FKBP14: variants seen among roughly 807,000 people sequenced by gnomAD.
FKBP14 encodes the protein peptidyl-prolyl cis-trans isomerase FKBP14.
In FKBP14, 20 loss-of-function variants were observed where a neutral mutation model predicts 21.6. That is an observed-to-expected ratio of 0.92 (90% CI 0.65 to 1.34). FKBP14 has a LOEUF of 1.34. Ranked by LOEUF, FKBP14 falls within the 40% of genes most tolerant of loss-of-function variation. The probability of loss-of-function intolerance (pLI) is 0.00; values close to 1 mark genes in which losing one functional copy is unlikely to be tolerated. For synonymous variants in FKBP14, 79 were observed against 86.7 expected (o/e 0.91, Z 0.49); for missense variants, 253 against 249.0 (o/e 1.02, Z -0.11).
downstream of FKBP14, among the ~76,000 whole-genome samples, chr7:30,006,709 C>A (rs1211036794): frequency 6.6e-6 from 1 of 152,152 alleles, no homozygotes; most frequent in Non-Finnish European, 1.5e-5. Flanking sequence ...CTGGCTGCAT[C>A]CACTCATTGC....
chr7:30,019,003 T>C lies in FKBP14; in HGVS notation c.470A>G (p.Lys157Arg). 1 of 1,609,138 alleles carries C rather than the reference T, an allele frequency of 6.2e-7. No homozygotes were observed. Among genetic ancestry groups the C allele is most frequent in the East Asian group, 2.3e-5 (1 of 44,388 alleles). ...GGAAGAAGGAAAGGTCACCTCATCT[T>C]TAGAGAGTTTCCAGTCATCATTAAG... ...MDLNDDWKLS[K>R]DEVKAYLKKE... The change falls in exon 3 of 4, where the codon AAA becomes AGA. Residue 157 changes from lysine to arginine, a missense_variant. Physicochemically the swap from Lys to Arg is conservative, Grantham distance 26. Transcript: ENST00000222803.
intron 3 of FKBP14, among the ~76,000 whole-genome samples, chr7:30,016,981 T>C (rs1162726219): frequency 6.6e-6 from 1 of 152,148 alleles, no homozygotes; most frequent in Non-Finnish European, 1.5e-5. Context: ...AGAATGTATT[T>C]CTAGGATATA....
downstream of FKBP14, among the ~76,000 whole-genome samples, chr7:30,006,585 T>C (rs1301606460): frequency 3.3e-5 from 5 of 152,266 alleles, no homozygotes; most frequent in African/African-American, 1.2e-4. Flanking sequence ...CACAAAAATG[T>C]ATTTATTGAC....
intron 3 of FKBP14, among the ~76,000 whole-genome samples, chr7:30,016,672 G>A (rs1789894010): frequency 6.6e-6 from 1 of 152,124 alleles, no homozygotes; most frequent in Non-Finnish European, 1.5e-5. Context: ...GGGATTACAG[G>A]TGTGAGCCAC....
chr7:30,017,494 G>A (rs776221465), intron 3 of FKBP14, among the ~76,000 whole-genome samples: 5 of 151,940 alleles, frequency 3.3e-5, no homozygotes, highest in Non-Finnish European at 4.4e-5. Flanking sequence ...GCTTGAACCC[G>A]GGACACAGAG....
At chr7:30,025,926 C>T (rs569913625) in intron 1 of FKBP14, among the ~76,000 whole-genome samples, 15 of 152,248 alleles carry the variant, frequency 9.9e-5, no homozygotes, top group Non-Finnish European at 2.1e-4. Flanking sequence ...GTGAACATCA[C>T]CTACACCACA....
At chr7:30,019,180 A>G in intron 2 of FKBP14, 57 bp from the exon 3 acceptor site, 11 of 1,527,416 alleles carry the variant, frequency 7.2e-6, no homozygotes, top group Non-Finnish European at 9.6e-6. Context: ...TTAATAATAG[A>G]AAATTTATGG....
At position 30,014,371 on chromosome 7, in the gene FKBP14, T is replaced by C. The variant is rs1789823841; in HGVS notation, c.*364A>G. On this transcript the variant is annotated 3_prime_UTR_variant, in exon 4 of 4. Coordinates refer to ENST00000222803, the MANE Select transcript of FKBP14 (RefSeq NM_017946.4). The stretch of plus-strand genomic sequence containing the variant: ...ATGTTGACCTCTAACTTGGAGAAAA[T>C]AGAGGGAAGCAGAAATATAGGGTGC... The C allele has an allele frequency of 6.4e-6, 1 of 155,390 alleles. No homozygotes were observed. The highest frequency in any genetic ancestry group is 6.5e-5 in the Admixed American group (1 of 15,364). The allele number at this position is 155,390 out of a possible 1,614,324, so 9.6% of individuals were successfully genotyped here.
chr7:30,026,486 G>A lies in FKBP14; in HGVS notation c.23C>T (p.Ala8Val). ...AGAAGTGACGAACAGAGTCAAGACC[G>A]CGTTCCACAAGAAAAGCCTCATGTT... is the stretch of plus-strand genomic sequence containing the variant. Reference protein sequence around the residue: MRLFLWNAVLTLFVTSLI... With the variant: MRLFLWNVVLTLFVTSLI... The change falls in exon 1 of 4, where the codon GCG becomes GTG. Residue 8 changes from alanine (A) to valine (V), a missense_variant. Physicochemically the swap from Ala to Val is moderately conservative, Grantham distance 64. Coordinates refer to ENST00000222803, the MANE Select transcript of FKBP14 (RefSeq NM_017946.4). The A allele has an allele frequency of 6.2e-7, 1 of 1,612,026 alleles. No individual in the cohort carries two copies. The highest frequency in any genetic ancestry group is 8.5e-7 in the Non-Finnish European group (1 of 1,179,244).
rs766250132 is a variant in FKBP14 at position 30,022,755 on chromosome 7, C to T, written c.259G>A (p.Gly87Ser). 6.2e-7 allele frequency: 1 copy of T among 1,614,006 alleles called. No homozygotes were observed. Among genetic ancestry groups the T allele is most frequent in the East Asian group, 2.2e-5 (1 of 44,886 alleles). Residue 87 changes from glycine (G) to serine (S), a missense_variant, in exon 2 of 4, where the codon GGT (glycine) becomes AGT (serine). Physicochemically the swap from Gly to Ser is moderately conservative, Grantham distance 56. Coordinates refer to ENST00000222803, the MANE Select transcript of FKBP14 (RefSeq NM_017946.4). The part of the protein sequence containing the change: ...FTLGILEALK[G>S]WDQGLKGMCV... ...ATTCCTTTCAAGCCCTGGTCCCAACCTTTGAGAGCCTCCAGGATGCCCAGG... is the reference window on the plus strand; with the variant it reads ...ATTCCTTTCAAGCCCTGGTCCCAACTTTTGAGAGCCTCCAGGATGCCCAGG...
rs1478164971 is a variant in FKBP14 at position 30,012,713 on chromosome 7, A to T, written c.*2022T>A. On this transcript the variant is annotated 3_prime_UTR_variant, in exon 4 of 4. Transcript: ENST00000222803. Reference sequence around the variant, plus strand: ...AACCTCGCGTTGTTCAGGGTTTTTGAGGCAATTCAGAGCTAACTGCAAGAT... The same window carrying T: ...AACCTCGCGTTGTTCAGGGTTTTTGTGGCAATTCAGAGCTAACTGCAAGAT... 1.3e-5 allele frequency: 2 copies of T among 152,240 alleles called. No homozygotes were observed. The highest frequency in any genetic ancestry group is 3.8e-4 in the East Asian group (2 of 5,204). 9.4% of individuals were successfully genotyped at this position (152,240 alleles called of 1,614,324 possible). A position where few individuals can be genotyped will look rare whatever the true frequency, so the allele number is the denominator to read the frequency against.
intron 3 of FKBP14, among the ~76,000 whole-genome samples, chr7:30,018,470 T>G (rs1789948997): frequency 1.3e-5 from 2 of 152,226 alleles, no homozygotes; most frequent in South Asian, 4.1e-4. Context: ...GCTGGAGCCC[T>G]GCTGTGTAAA....
At chr7:30,018,007 A>C (rs1198388424) in intron 3 of FKBP14, among the ~76,000 whole-genome samples, 1 of 31,256 alleles carries the variant, frequency 3.2e-5, no homozygotes, top group African/African-American at 8.5e-5. Context: ...GGAAATAAAT[A>C]AATAAATAAA....
At chr7:30,021,963 G>A (rs11767840) in intron 2 of FKBP14, among the ~76,000 whole-genome samples, 21,983 of 152,080 alleles carry the variant, frequency 0.14, 1,632 homozygotes, top group Middle Eastern at 0.19. Context: ...AAAGCTGTCC[G>A]GACCAGCTAG....
At chr7:30,023,712 A>G (rs1790096564) in intron 1 of FKBP14, among the ~76,000 whole-genome samples, 1 of 152,210 alleles carries the variant, frequency 6.6e-6, no homozygotes. Context: ...CGGAAGGCAA[A>G]GGAGGAGCAA....
chr7:30,006,288 GTT>G (rs1207676908), downstream of FKBP14, among the ~76,000 whole-genome samples: 5 of 151,652 alleles, frequency 3.3e-5, no homozygotes, highest in African/African-American at 1.2e-4. Flanking sequence ...TGCCTGACTA[GTT>G]TTTTAAATAA....
intron 3 of FKBP14, among the ~76,000 whole-genome samples, chr7:30,016,806 TCTTC>T (rs1789897301): frequency 6.6e-6 from 1 of 152,192 alleles, no homozygotes; most frequent in Non-Finnish European, 1.5e-5. Flanking sequence ...ATATCACCTC[TCTTC>T]CTTCTGTTTA....
At chr7:30,019,492 G>A (rs1789975850) in intron 2 of FKBP14, among the ~76,000 whole-genome samples, 1 of 152,096 alleles carries the variant, frequency 6.6e-6, no homozygotes, top group Non-Finnish European at 1.5e-5. Context: ...ATAATTCGGA[G>A]TTAAGTATAT....
chr7:30,006,376 C>T (rs1789618704), downstream of FKBP14, among the ~76,000 whole-genome samples: 1 of 151,858 alleles, frequency 6.6e-6, no homozygotes, highest in Non-Finnish European at 1.5e-5. Context: ...ATCCTCCTTC[C>T]TTGGCCTCCG....
Sources: allele counts gnomAD v4.1 joint callset (sites outside exome capture counted in the v4.1 genomes callset), GRCh38; gene constraint gnomAD v4.1.1; transcripts MANE v1.5; gene names NCBI Gene and HGNC (gene_info 2026-07-23, HGNC 2026-07-21).